Variants in PIEZO2 observed in about 807,000 individuals in gnomAD.
PIEZO2 encodes piezo-type mechanosensitive ion channel component 2.
In PIEZO2, 172 loss-of-function variants were observed where a neutral mutation model predicts 337.3. That is an observed-to-expected ratio of 0.51 (90% CI 0.45 to 0.58). PIEZO2 has a LOEUF of 0.58. Among genes scored for constraint, PIEZO2 ranks in the 20% least tolerant of loss-of-function variants. The pLI is 0.00. For missense variants in PIEZO2, 3,028 were observed against 3,391.3 expected, an observed-to-expected ratio of 0.89 and a Z score of 2.66; for synonymous variants, 1,251 against 1,228.5, an observed-to-expected ratio of 1.02 and a Z score of -0.38.
Position 10,846,057 on chromosome 18 carries a change from C to T in PIEZO2, c.917+9296G>A, listed in dbSNP as rs954258795. 6.6e-6 allele frequency among the ~76,000 whole-genome samples: 1 copy of T among 152,172 alleles called. No individual in the cohort carries two copies. The highest frequency in any genetic ancestry group is 1.5e-5 in the Non-Finnish European group (1 of 68,040). On this transcript the variant is annotated intron_variant, in intron 7 of 55. Coordinates refer to ENST00000674853, the MANE Select transcript of PIEZO2 (RefSeq NM_001378183.1). This position sits in a 1 kb window ranked among gnomAD's most constrained non-coding sequence, Gnocchi z 4.1. ...ACCTTTCTGGAAAATAATTTCCCCA[C>T]ACATCTTATAGCCAGTGGCCACATC...
chr18:11,066,260 T>G, intron 1 of PIEZO2, 38 bp from the exon 2 acceptor site: 1 of 1,486,416 alleles, frequency 6.7e-7, no homozygotes. Context: ...AGAAGATCAT[T>G]AACAAAGGCA....
Position 11,031,462 on chromosome 18 carries a change from AT to A in PIEZO2, c.160+34664del, listed in dbSNP as rs1192170657. On this transcript the variant is annotated intron_variant, in intron 2 of 55. Transcript: ENST00000674853. The surrounding 1 kb of genome is among the most constrained non-coding windows in gnomAD (Gnocchi z 4.7). ...TAGTGAACACTACTAGAGTGTTTTC[AT>A]TTTGGTTTAGTTATTTCTTCAAAAT... Among the ~76,000 whole-genome samples the A allele has an allele frequency of 6.6e-6, 1 of 152,134 alleles. No homozygotes were observed. Among genetic ancestry groups the A allele is most frequent in the East Asian group, 1.9e-4 (1 of 5,202 alleles).
intron 44 of PIEZO2, among the ~76,000 whole-genome samples, chr18:10,698,641 G>A (rs139251667): frequency 1.6e-3 from 250 of 152,304 alleles, no homozygotes; most frequent in African/African-American, 5.8e-3. Flanking sequence ...AAATTATCAT[G>A]AGCCTGGCGT....
intron 4 of PIEZO2, among the ~76,000 whole-genome samples, chr18:10,889,549 C>T: frequency 6.6e-6 from 1 of 152,146 alleles, no homozygotes; most frequent in Admixed American, 6.5e-5. Flanking sequence ...TTTACAGTAA[C>T]CTCATAGGTG....
chr18:10,693,116 A>G (rs1598362710), intron 47 of PIEZO2, among the ~76,000 whole-genome samples: 1 of 152,284 alleles, frequency 6.6e-6, no homozygotes, highest in East Asian at 1.9e-4. Flanking sequence ...TTATCCCTAA[A>G]TATGATAGTT....
Position 10,716,582 on chromosome 18 carries a change from T to C in PIEZO2, c.5090-766A>G, listed in dbSNP as rs1367622871. Reference sequence around the variant, plus strand: ...GCACAGGAAGAGAACGGCCGCTGCTTGAAGCTGAATGAAGTGAGTCGCTGT... The same window carrying C: ...GCACAGGAAGAGAACGGCCGCTGCTCGAAGCTGAATGAAGTGAGTCGCTGT... On this transcript the variant is annotated intron_variant, in intron 37 of 55. Coordinates refer to ENST00000674853, the MANE Select transcript of PIEZO2 (RefSeq NM_001378183.1). This position sits in a 1 kb window ranked among gnomAD's most constrained non-coding sequence, Gnocchi z 4.1. Among the ~76,000 whole-genome samples, 3 of 151,692 alleles carry C rather than the reference T, an allele frequency of 2.0e-5. No homozygotes were observed. The highest frequency in any genetic ancestry group is 4.4e-5 in the Non-Finnish European group (3 of 68,024).
rs28712767 is a variant in PIEZO2 at position 10,715,853 on chromosome 18, A to G, written c.5090-37T>C. 0.091 allele frequency: 131,358 copies of G among 1,445,336 alleles called. 9,810 individuals are homozygous for G. Among genetic ancestry groups the G allele is most frequent in the Admixed American group, 0.31 (14,113 of 45,862 alleles). 89.5% of individuals were successfully genotyped at this position (1,445,336 alleles called of 1,614,324 possible). On this transcript the variant is annotated intron_variant, in intron 37 of 55. Coordinates refer to ENST00000674853, the MANE Select transcript of PIEZO2 (RefSeq NM_001378183.1). Reference sequence around the variant, plus strand: ...AAAGGCAACAAGATGTTAAAGGAACAAAATACCATTGATTTTACTTTTGTG... The same window carrying G: ...AAAGGCAACAAGATGTTAAAGGAACGAAATACCATTGATTTTACTTTTGTG...
At position 11,001,926 on chromosome 18, in the gene PIEZO2, GA is replaced by G. The variant is rs2035554620; in HGVS notation, c.161-22267del. 6.7e-6 allele frequency among the ~76,000 whole-genome samples: 1 copy of G among 148,860 alleles called. No homozygotes were observed. Among genetic ancestry groups the G allele is most frequent in the Admixed American group, 6.7e-5 (1 of 14,978 alleles). On this transcript the variant is annotated intron_variant, in intron 2 of 55. Transcript: ENST00000674853. The surrounding 1 kb of genome is among the most constrained non-coding windows in gnomAD (Gnocchi z 5.3). ...AGGAAGAAGGAAGGAAGGAAGGAAG[GA>G]AGGAAGGAAGGAAGGAAGGAAGAAA...
At chr18:10,738,204 G>A (rs2037083576) in intron 33 of PIEZO2, 1 of 152,214 alleles carries the variant, frequency 6.6e-6, no homozygotes, top group African/African-American at 2.4e-5. Flanking sequence ...TTAAAGTAAT[G>A]CCTTCACATA....
chr18:10,871,140 T>G, intron 5 of PIEZO2, 113 bp downstream of exon 5: 1 of 1,126,270 alleles, frequency 8.9e-7, no homozygotes, highest in Non-Finnish European at 1.2e-6. Context: ...TGTCAAGCAC[T>G]GTGAATCATA....
chr18:10,779,593 A>G (rs577283014), intron 18 of PIEZO2, among the ~76,000 whole-genome samples: 1 of 152,322 alleles, frequency 6.6e-6, no homozygotes, highest in East Asian at 1.9e-4. Context: ...AAACATATGA[A>G]ATCTGGTGAT....
At chr18:10,958,518 T>C (rs2056464394) in intron 3 of PIEZO2, among the ~76,000 whole-genome samples, 2 of 152,204 alleles carry the variant, frequency 1.3e-5, no homozygotes. Context: ...TATTTCAGAT[T>C]GGTTAAAAGA....
chr18:11,014,861 C>G (rs1450136773), intron 2 of PIEZO2, among the ~76,000 whole-genome samples: 12 of 130,464 alleles, frequency 9.2e-5, no homozygotes, highest in Non-Finnish European at 1.7e-4. Flanking sequence ...CTGGGTAAGA[C>G]AGCGATCCAA....
At chr18:10,935,550 G>A (rs2032345517) in intron 3 of PIEZO2, among the ~76,000 whole-genome samples, 1 of 152,156 alleles carries the variant, frequency 6.6e-6, no homozygotes, top group Admixed American at 6.5e-5. Flanking sequence ...TGAAAGGAAT[G>A]GGGCACATTG....
intron 30 of PIEZO2, among the ~76,000 whole-genome samples, chr18:10,745,162 C>G (rs540912275): frequency 2.2e-4 from 33 of 152,266 alleles, no homozygotes; most frequent in African/African-American, 7.7e-4. Flanking sequence ...GGCGTCTTGC[C>G]CTGCAGGGAC....
At chr18:10,826,019 T>C (rs1474753534) in intron 7 of PIEZO2, among the ~76,000 whole-genome samples, 1 of 152,240 alleles carries the variant, frequency 6.6e-6, no homozygotes, top group African/African-American at 2.4e-5. Flanking sequence ...ACTCACAATA[T>C]GCATTTTATA....
At chr18:10,800,983 C>T (rs1257584247) in intron 10 of PIEZO2, among the ~76,000 whole-genome samples, 1 of 152,226 alleles carries the variant, frequency 6.6e-6, no homozygotes, top group Non-Finnish European at 1.5e-5. Context: ...GGGATCTCTG[C>T]CTGACTGCAG....
At chr18:10,802,972 CAAA>C (rs71362185) in intron 9 of PIEZO2, among the ~76,000 whole-genome samples, 6 of 127,502 alleles carry the variant, frequency 4.7e-5, no homozygotes, top group Non-Finnish European at 3.3e-5. Flanking sequence ...ACTCTGTTGC[CAAA>C]AAAAAAAAAA....
intron 43 of PIEZO2, among the ~76,000 whole-genome samples, chr18:10,699,912 A>G (rs879488201): frequency 3.9e-5 from 6 of 152,196 alleles, no homozygotes; most frequent in Admixed American, 6.5e-5. Context: ...TGACTCGTAC[A>G]TGGAGGACAA....
Sources: gnomAD v4.1 joint callset for allele counts (sites outside exome capture counted in the v4.1 genomes callset) on GRCh38, gnomAD v4.1.1 for gene constraint, Gnocchi (gnomAD v3.1) non-coding constraint, MANE v1.5 for transcripts, NCBI Gene and HGNC (gene_info 2026-07-23, HGNC 2026-07-21) for gene names.